Variants in SCLT1 observed in about 807,000 individuals in gnomAD.
SCLT1 encodes sodium channel-associated protein 1.
SCLT1 carries 78 observed loss-of-function variants against 112.8 expected under a neutral mutation model. The ratio of observed to expected loss-of-function variants is 0.69; its 90% CI spans 0.58 to 0.83. The LOEUF is 0.83. Ranked by LOEUF, SCLT1 falls within the 40% of genes least tolerant of loss-of-function variation. SCLT1 has a pLI of 0.00. For synonymous variants in SCLT1, 257 were observed against 254.7 expected (o/e 1.01, Z -0.09); for missense variants, 747 against 770.4 (o/e 0.97, Z 0.36).
intron 14 of SCLT1, 22 bp from the exon 15 acceptor site, chr4:128,948,592 T>A: frequency 6.5e-7 from 1 of 1,545,820 alleles, no homozygotes; most frequent in Non-Finnish European, 8.9e-7. Context: ...AGTCATATTG[T>A]AAATATATAC....
chr4:128,958,829 T>C (rs1739435298), intron 12 of SCLT1, among the ~76,000 whole-genome samples: 1 of 152,198 alleles, frequency 6.6e-6, no homozygotes, highest in Non-Finnish European at 1.5e-5. Context: ...TCTTTTTTTA[T>C]TTATGAGCTT....
At chr4:129,044,199 A>G in intron 2 of SCLT1, 148 bp from the exon 3 acceptor site, 2 of 507,254 alleles carry the variant, frequency 3.9e-6, no homozygotes, top group South Asian at 7.1e-5. Context: ...AATAATCTCA[A>G]TTTATACTGA....
intron 2 of SCLT1, among the ~76,000 whole-genome samples, chr4:129,052,057 T>C (rs1049950838): frequency 6.6e-5 from 10 of 152,230 alleles, no homozygotes; most frequent in Non-Finnish European, 1.5e-4. Flanking sequence ...TAAACCCGCC[T>C]TGCATCCAAG....
chr4:128,885,986 A>AT (rs141552639), intron 20 of SCLT1, among the ~76,000 whole-genome samples: 4,752 of 152,140 alleles, frequency 0.031, 101 homozygotes, highest in Non-Finnish European at 0.042. Flanking sequence ...GGTATCCTTT[A>AT]TATGTGTTTA....
intron 14 of SCLT1, among the ~76,000 whole-genome samples, chr4:128,950,820 A>C (rs947691189): frequency 2.0e-5 from 3 of 152,126 alleles, no homozygotes; most frequent in South Asian, 2.1e-4. Flanking sequence ...TTTATAATTA[A>C]TTTTCTTATT....
intron 10 of SCLT1, 37 bp from the exon 11 acceptor site, chr4:128,965,355 T>C: frequency 1.5e-6 from 2 of 1,354,164 alleles, no homozygotes; most frequent in Non-Finnish European, 2.1e-6. Context: ...ACTTTGAGTA[T>C]GTGAAAATTC....
intron 9 of SCLT1, among the ~76,000 whole-genome samples, chr4:128,976,097 T>G (rs2126043107): frequency 6.6e-6 from 1 of 152,346 alleles, no homozygotes; most frequent in African/African-American, 2.4e-5. Flanking sequence ...ATTTCTATGT[T>G]AGATACAATA....
intron 18 of SCLT1, among the ~76,000 whole-genome samples, chr4:128,897,363 A>G (rs1405837522): frequency 3.3e-5 from 5 of 152,080 alleles, no homozygotes; most frequent in Admixed American, 6.6e-5. Flanking sequence ...AGTGGGGGCC[A>G]ATATTCAATA....
At chr4:128,896,514 C>A (rs905143230) in intron 18 of SCLT1, among the ~76,000 whole-genome samples, 3 of 152,126 alleles carry the variant, frequency 2.0e-5, no homozygotes, top group Non-Finnish European at 1.5e-5. Context: ...CACACCAAAA[C>A]CCCATCTGCA....
intron 5 of SCLT1, among the ~76,000 whole-genome samples, chr4:129,020,638 G>A (rs1745384947): frequency 6.6e-6 from 1 of 152,162 alleles, no homozygotes; most frequent in Non-Finnish European, 1.5e-5. Flanking sequence ...ATATGAACTG[G>A]TAAGAGGAAC....
At chr4:129,060,910 G>A (rs1345267712) in intron 2 of SCLT1, among the ~76,000 whole-genome samples, 1 of 152,064 alleles carries the variant, frequency 6.6e-6, no homozygotes, top group African/African-American at 2.4e-5. Context: ...TTTGTGGCAG[G>A]TTTGGATGTA....
chr4:128,996,822 C>A (rs564421706), intron 8 of SCLT1, among the ~76,000 whole-genome samples: 2 of 152,046 alleles, frequency 1.3e-5, no homozygotes, highest in South Asian at 2.1e-4. Flanking sequence ...TTGGAATATA[C>A]AACATCCTTT....
intron 5 of SCLT1, chr4:128,873,899 A>G (rs1256863121): frequency 1.3e-5 from 2 of 152,660 alleles, no homozygotes; most frequent in South Asian, 2.1e-4. Context: ...TTGCTATGCA[A>G]GTTTTATCAG....
intron 2 of SCLT1, among the ~76,000 whole-genome samples, chr4:129,052,358 C>CT (rs1166714279): frequency 6.6e-6 from 1 of 152,084 alleles, no homozygotes; most frequent in Non-Finnish European, 1.5e-5. Context: ...TGGTCCTGGA[C>CT]TTTTTTTGGT....
chr4:129,050,212 G>A (rs1476626464), intron 2 of SCLT1, among the ~76,000 whole-genome samples: 2 of 152,066 alleles, frequency 1.3e-5, no homozygotes, highest in African/African-American at 4.8e-5. Context: ...GTGTGCATGT[G>A]TCTTTATAGA....
intron 18 of SCLT1, among the ~76,000 whole-genome samples, chr4:128,913,423 G>C (rs1044700757): frequency 6.6e-6 from 1 of 152,156 alleles, no homozygotes; most frequent in Non-Finnish European, 1.5e-5. Flanking sequence ...GGGATGATGG[G>C]GGAGGAGTTG....
At chr4:129,074,811 C>T (rs947190523) in intron 2 of SCLT1, among the ~76,000 whole-genome samples, 13 of 152,150 alleles carry the variant, frequency 8.5e-5, no homozygotes, top group African/African-American at 3.1e-4. Context: ...AAGAGATCCT[C>T]CCACCTCTGC....
intron 2 of SCLT1, among the ~76,000 whole-genome samples, chr4:129,065,973 G>A (rs1750450958): frequency 6.6e-6 from 1 of 151,738 alleles, no homozygotes; most frequent in African/African-American, 2.4e-5. Context: ...AGTCAGTAGG[G>A]AAAACATCAA....
At chr4:129,044,828 A>C (rs1191723325) in intron 2 of SCLT1, among the ~76,000 whole-genome samples, 1 of 113,128 alleles carries the variant, frequency 8.8e-6, no homozygotes, top group Non-Finnish European at 1.8e-5. Flanking sequence ...TAATCTCACC[A>C]AAAAAAAAAA....
Sources: allele counts gnomAD v4.1 joint callset (sites outside exome capture counted in the v4.1 genomes callset), GRCh38; gene constraint gnomAD v4.1.1; transcripts MANE v1.5; gene names NCBI Gene and HGNC (gene_info 2026-07-23, HGNC 2026-07-21).